The following TMEM132D variants were observed in gnomAD, a reference collection of about 807,000 sequenced individuals.
The protein encoded by TMEM132D is mature OL transmembrane protein.
A neutral mutation model predicts 62.3 loss-of-function variants in TMEM132D; 21 were observed. The ratio of observed to expected loss-of-function variants is 0.34; its 90% CI spans 0.24 to 0.49. The LOEUF is 0.49. Among genes scored for constraint, TMEM132D ranks in the 20% least tolerant of loss-of-function variants. The probability of loss-of-function intolerance (pLI) is 0.99; values close to 1 mark genes in which losing one functional copy is unlikely to be tolerated. For missense variants in TMEM132D, 1,346 were observed against 1,402.8 expected (o/e 0.96, Z 0.65); for synonymous variants, 621 against 575.6 (o/e 1.08, Z -1.13).
chr12:129,402,833 G>T (rs1425108548), intron 3 of TMEM132D, among the ~76,000 whole-genome samples: 5 of 152,042 alleles, frequency 3.3e-5, no homozygotes, highest in Non-Finnish European at 7.3e-5. Context: ...TGAGGACTGG[G>T]TCCTGGGGTG....
chr12:129,657,945 G>T (rs616903), intron 2 of TMEM132D, among the ~76,000 whole-genome samples: 36,065 of 152,176 alleles, frequency 0.24, 4,630 homozygotes, highest in African/African-American at 0.32. Context: ...CACAAGGCTA[G>T]GTTCTGAGTT....
chr12:129,284,378 G>A (rs1881237128), intron 4 of TMEM132D, among the ~76,000 whole-genome samples: 1 of 152,216 alleles, frequency 6.6e-6, no homozygotes, highest in South Asian at 2.1e-4. Context: ...AGAATAATAA[G>A]AGTCATTTTA....
chr12:129,358,875 A>T (rs929613051), intron 3 of TMEM132D, among the ~76,000 whole-genome samples: 6 of 152,148 alleles, frequency 3.9e-5, no homozygotes, highest in Admixed American at 2.6e-4. Flanking sequence ...AAGACAAAAA[A>T]ACCCAGGTGG....
At chr12:129,557,107 T>C (rs1877084708) in intron 2 of TMEM132D, among the ~76,000 whole-genome samples, 1 of 152,234 alleles carries the variant, frequency 6.6e-6, no homozygotes, top group Non-Finnish European at 1.5e-5. Context: ...ATAGACAACC[T>C]CTTCCTTATC....
At chr12:129,760,743 C>G (rs1175593881) in intron 1 of TMEM132D, among the ~76,000 whole-genome samples, 3 of 151,796 alleles carry the variant, frequency 2.0e-5, no homozygotes, top group Non-Finnish European at 4.4e-5. Context: ...GTGCTGCACC[C>G]ATCAACCCCT....
chr12:129,257,614 G>C (rs1880442021), intron 4 of TMEM132D, among the ~76,000 whole-genome samples: 1 of 152,172 alleles, frequency 6.6e-6, no homozygotes, highest in South Asian at 2.1e-4. Flanking sequence ...CCAAGTGTGA[G>C]TGTGTGACTC....
chr12:129,084,169 G>A (rs1874538690), intron 6 of TMEM132D, among the ~76,000 whole-genome samples: 3 of 152,136 alleles, frequency 2.0e-5, no homozygotes, highest in Non-Finnish European at 2.9e-5. Flanking sequence ...CACTCAGTGT[G>A]TTTGAGGGCC....
At chr12:129,879,292 C>T (rs1874522914) in intron 1 of TMEM132D, among the ~76,000 whole-genome samples, 1 of 152,172 alleles carries the variant, frequency 6.6e-6, no homozygotes. Context: ...GGGGTCCCAC[C>T]TCAAATCAAA....
At position 129,337,667 on chromosome 12, in the gene TMEM132D, T is replaced by C. The variant is rs558931343; in HGVS notation, c.1266A>G (p.Pro422=). Residue 422 remains proline, a synonymous_variant, in exon 4 of 9, where the codon CCA becomes CCG. Transcript: ENST00000422113. The part of the protein sequence containing the change: ...DLGVSKIYVS[P]KDLIGVVPLA... Reference sequence around the variant, plus strand: ...GCGGCACAACTCCAATCAAGTCCTTTGGGCTCACATAGATCTTGGACACTC... The same window carrying C: ...GCGGCACAACTCCAATCAAGTCCTTCGGGCTCACATAGATCTTGGACACTC... 3.7e-6 allele frequency: 6 copies of C among 1,614,116 alleles called. No individual in the cohort carries two copies. The African/African-American group carries it at 8.0e-5, about 22-fold the overall frequency.
At chr12:129,611,619 C>T (rs1360341555) in intron 2 of TMEM132D, among the ~76,000 whole-genome samples, 1 of 152,120 alleles carries the variant, frequency 6.6e-6, no homozygotes, top group East Asian at 1.9e-4. Flanking sequence ...ATCCAGGCTC[C>T]CTCTACCTTG....
chr12:129,291,995 C>G (rs940891843), intron 4 of TMEM132D, among the ~76,000 whole-genome samples: 1 of 151,924 alleles, frequency 6.6e-6, no homozygotes, highest in Admixed American at 6.6e-5. Flanking sequence ...GGGCAGGAAG[C>G]CTTTTCATAT....
intron 4 of TMEM132D, among the ~76,000 whole-genome samples, chr12:129,235,836 T>C (rs1367852741): frequency 6.6e-6 from 1 of 152,140 alleles, no homozygotes; most frequent in Non-Finnish European, 1.5e-5. Context: ...TTGGGGTCTT[T>C]TGTGATCTTA....
At chr12:129,228,813 G>T (rs1304878263) in intron 4 of TMEM132D, among the ~76,000 whole-genome samples, 1 of 152,146 alleles carries the variant, frequency 6.6e-6, no homozygotes. Flanking sequence ...TCCAAGGACC[G>T]CATCCCGCCC....
chr12:129,452,556 AG>A (rs1873328058), intron 3 of TMEM132D, among the ~76,000 whole-genome samples: 1 of 152,208 alleles, frequency 6.6e-6, no homozygotes, highest in Non-Finnish European at 1.5e-5. Flanking sequence ...AGGTAAATTA[AG>A]GGGGTTATCA....
At chr12:129,706,230 T>C (rs545847621) in intron 1 of TMEM132D, among the ~76,000 whole-genome samples, 4 of 152,122 alleles carry the variant, frequency 2.6e-5, no homozygotes, top group African/African-American at 4.8e-5. Context: ...AGTTAAGCTA[T>C]AAATTGTCTC....
At chr12:129,090,327 C>T (rs1874866156) in intron 5 of TMEM132D, among the ~76,000 whole-genome samples, 1 of 152,126 alleles carries the variant, frequency 6.6e-6, no homozygotes, top group Non-Finnish European at 1.5e-5. Flanking sequence ...CTCAAGTGTT[C>T]CATTTCTAAC....
chr12:129,866,482 T>C (rs1181047438), intron 1 of TMEM132D, among the ~76,000 whole-genome samples: 4 of 150,396 alleles, frequency 2.7e-5, no homozygotes, highest in Non-Finnish European at 4.4e-5. Flanking sequence ...TTAGGAGATA[T>C]ACCTAATGTA....
At chr12:129,592,628 A>G (rs1024604299) in intron 2 of TMEM132D, among the ~76,000 whole-genome samples, 1 of 152,234 alleles carries the variant, frequency 6.6e-6, no homozygotes, top group African/African-American at 2.4e-5. Context: ...CATGTGCCCA[A>G]TAAAATTATT....
rs1403788802 is a variant in TMEM132D, at chr12:129,770,777, A to C, written c.80-70079T>G. Among the ~76,000 whole-genome samples, 15 of 152,334 alleles carry C rather than the reference A, an allele frequency of 9.8e-5. No individual in the cohort carries two copies. The East Asian group carries it at 2.9e-3, about 29-fold the overall frequency. ...AACCTATTTTATAATAAAGTCTTGA[A>C]TAGCTCATGAAATGTATGGGATACT... On this transcript the variant is annotated intron_variant, in intron 1 of 8. Transcript: ENST00000422113.
Sources: allele counts gnomAD v4.1 joint callset (sites outside exome capture counted in the v4.1 genomes callset), GRCh38; gene constraint gnomAD v4.1.1; transcripts MANE v1.5; gene names NCBI Gene and HGNC (gene_info 2026-07-23, HGNC 2026-07-21).